Variants in ANO3 observed in about 807,000 individuals in gnomAD.
ANO3 encodes anoctamin-3.
A neutral mutation model predicts 144.8 loss-of-function variants in ANO3; 99 were observed. The ratio of observed to expected loss-of-function variants is 0.68; its 90% CI spans 0.58 to 0.81. The LOEUF (loss-of-function observed/expected upper bound fraction) is 0.81. ANO3 is among the 30% of genes least tolerant of loss of function. The pLI is 0.00. For synonymous variants in ANO3, 414 were observed against 392.6 expected (o/e 1.05, Z -0.64); for missense variants, 905 against 1,202.2 (o/e 0.75, Z 3.66).
At chr11:26,351,421 AT>A (rs1237893962) in intron 1 of ANO3, among the ~76,000 whole-genome samples, 12 of 152,070 alleles carry the variant, frequency 7.9e-5, no homozygotes, top group African/African-American at 2.9e-4. Context: ...TTTAAAATAT[AT>A]TTTATTGTTT....
intron 14 of ANO3, chr11:26,565,634 C>G (rs1183758248): frequency 6.2e-7 from 1 of 1,610,726 alleles, no homozygotes. Flanking sequence ...TGGGTAGATT[C>G]AAAGGAGGGG....
Position 26,442,199 on chromosome 11 carries a change from A to G in ANO3, c.241+87A>G, listed in dbSNP as rs961509383. 7.7e-6 allele frequency: 10 copies of G among 1,295,318 alleles called. No homozygotes were observed. In the Admixed American group the frequency reaches 2.0e-4, roughly 26 times the overall value. 80.2% of individuals were successfully genotyped at this position (1,295,318 alleles called of 1,614,324 possible). ...CTTTCCTTCCTTTTTCCATTGGACCAGTTTTATAGAGCTCTTCAGGAAGGA... is the reference window on the plus strand; with the variant it reads ...CTTTCCTTCCTTTTTCCATTGGACCGGTTTTATAGAGCTCTTCAGGAAGGA... On this transcript the variant is annotated intron_variant, in intron 2 of 26. Transcript: ENST00000256737.
intron 4 of ANO3, among the ~76,000 whole-genome samples, chr11:26,481,185 C>A: frequency 6.6e-6 from 1 of 151,934 alleles, no homozygotes; most frequent in Non-Finnish European, 1.5e-5. Context: ...CAAGAACATA[C>A]CACATAGTGA....
rs544098159 is a variant in ANO3 at position 26,541,254 on chromosome 11, G to A, written c.1033-693G>A. 6.8e-4 allele frequency among the ~76,000 whole-genome samples: 103 copies of A among 152,046 alleles called. 1 individual carries two copies. The highest frequency in any genetic ancestry group is 2.3e-3 in the African/African-American group (94 of 41,492). ...ACTGGGAGTTGAACAATGAGAATAC[G>A]TGGACACAGGGAGGGGAACATCACA... is the stretch of plus-strand genomic sequence containing the variant. On this transcript the variant is annotated intron_variant, in intron 10 of 26. Transcript: ENST00000256737.
At chr11:26,402,667 A>G (rs1857178697) in intron 1 of ANO3, among the ~76,000 whole-genome samples, 1 of 151,930 alleles carries the variant, frequency 6.6e-6, no homozygotes, top group Non-Finnish European at 1.5e-5. Flanking sequence ...ATCAGAACTC[A>G]TGGACACATA....
chr11:26,433,733 A>G (rs1464504519), intron 1 of ANO3, among the ~76,000 whole-genome samples: 1 of 152,186 alleles, frequency 6.6e-6, no homozygotes, highest in Non-Finnish European at 1.5e-5. Context: ...CCAACCTTGA[A>G]TCCCAGGTAT....
intron 1 of ANO3, among the ~76,000 whole-genome samples, chr11:26,376,585 TA>T (rs1856416232): frequency 6.6e-6 from 1 of 152,042 alleles, no homozygotes; most frequent in Non-Finnish European, 1.5e-5. Context: ...TCTCAAAGTT[TA>T]TTCGCACCCC....
intron 5 of ANO3, among the ~76,000 whole-genome samples, chr11:26,509,454 A>G (rs1240027675): frequency 6.6e-6 from 1 of 151,994 alleles, no homozygotes; most frequent in African/African-American, 2.4e-5. Flanking sequence ...CTGGAATTAC[A>G]GGAACCGATC....
intron 4 of ANO3, among the ~76,000 whole-genome samples, chr11:26,478,968 G>A (rs576304530): frequency 6.6e-6 from 1 of 152,244 alleles, no homozygotes; most frequent in African/African-American, 2.4e-5. Flanking sequence ...ACTGTCCTTT[G>A]CTTAAATAAA....
chr11:26,292,122 T>C (rs1433590199), intron 1 of ANO3, among the ~76,000 whole-genome samples: 1 of 152,172 alleles, frequency 6.6e-6, no homozygotes, highest in Admixed American at 6.5e-5. Context: ...TTATTCTTTT[T>C]TCTCTAAACT....
chr11:26,400,284 C>T (rs1050113296), intron 1 of ANO3, among the ~76,000 whole-genome samples: 2 of 151,804 alleles, frequency 1.3e-5, no homozygotes, highest in East Asian at 3.9e-4. Flanking sequence ...AATCTTAATC[C>T]TAGGAAGCAC....
intron 4 of ANO3, among the ~76,000 whole-genome samples, chr11:26,486,924 G>C (rs1297693922): frequency 6.6e-6 from 1 of 152,182 alleles, no homozygotes; most frequent in Non-Finnish European, 1.5e-5. Flanking sequence ...CGTTTGTTGA[G>C]TACTATTTTT....
chr11:26,404,933 A>G (rs201994653), intron 1 of ANO3, among the ~76,000 whole-genome samples: 2,022 of 146,270 alleles, frequency 0.014, 32 homozygotes, highest in East Asian at 0.053. Context: ...ATTTATATAT[A>G]TGTGTGTGTG....
At chr11:26,420,417 T>C (rs1346417808) in intron 1 of ANO3, among the ~76,000 whole-genome samples, 1 of 152,038 alleles carries the variant, frequency 6.6e-6, no homozygotes, top group Non-Finnish European at 1.5e-5. Context: ...CTTACCAGTT[T>C]ACCATGTGCC....
chr11:26,307,001 T>C (rs184054918), upstream of ANO3, among the ~76,000 whole-genome samples: 44 of 144,806 alleles, frequency 3.0e-4, no homozygotes, highest in Non-Finnish European at 5.4e-4. Context: ...AAACTATGAC[T>C]TTTTTTTTTA....
At chr11:26,261,706 T>C (rs1853194213) in intron 1 of ANO3, among the ~76,000 whole-genome samples, 2 of 152,210 alleles carry the variant, frequency 1.3e-5, no homozygotes, top group African/African-American at 4.8e-5. Flanking sequence ...ACCTTTACTT[T>C]GTCTGAATCT....
At chr11:26,415,135 C>T (rs1377086439) in intron 1 of ANO3, among the ~76,000 whole-genome samples, 1 of 151,232 alleles carries the variant, frequency 6.6e-6, no homozygotes, top group Admixed American at 6.6e-5. Context: ...ATTAGTAGGC[C>T]TACCTAGAAT....
At chr11:26,595,509 T>A (rs957994838) in intron 14 of ANO3, among the ~76,000 whole-genome samples, 1 of 140,374 alleles carries the variant, frequency 7.1e-6, no homozygotes, top group East Asian at 2.3e-4. Flanking sequence ...ACTTTAAGGC[T>A]TGGCTGAGTG....
chr11:26,396,840 G>A (rs1159908912), intron 1 of ANO3, among the ~76,000 whole-genome samples: 1 of 151,934 alleles, frequency 6.6e-6, no homozygotes, highest in African/African-American at 2.4e-5. Flanking sequence ...AATATCTAAT[G>A]TAGATGATGG....
Sources: allele counts gnomAD v4.1 joint callset (sites outside exome capture counted in the v4.1 genomes callset), GRCh38; gene constraint gnomAD v4.1.1; transcripts MANE v1.5; gene names NCBI Gene and HGNC (gene_info 2026-07-23, HGNC 2026-07-21).